LRP6: variants seen among roughly 807,000 people sequenced by gnomAD.
The protein encoded by LRP6 is low-density lipoprotein receptor-related protein 6.
In LRP6, 43 loss-of-function variants were observed where a neutral mutation model predicts 184.1. The observed-to-expected ratio is 0.23, with a 90% CI of 0.18 to 0.30. The LOEUF is 0.30. Ranked by LOEUF, LRP6 falls within the 10% of genes least tolerant of loss-of-function variation. The probability of loss-of-function intolerance (pLI) is 1.00; values close to 1 mark genes in which losing one functional copy is unlikely to be tolerated. For missense variants in LRP6, 1,571 were observed against 2,005.3 expected (o/e 0.78, Z 4.14); for synonymous variants, 719 against 684.9 (o/e 1.05, Z -0.78).
At chr12:12,222,446 AATCCCACCTACTCG>A in intron 2 of LRP6, among the ~76,000 whole-genome samples, 2 of 151,960 alleles carry the variant, frequency 1.3e-5, no homozygotes, top group African/African-American at 4.8e-5. Flanking sequence ...TGGTGCCTGT[AATCCCACCTACTCG>A]GTAGGCTGAG....
rs137912386 is a variant in LRP6, at chr12:12,265,421, CTCAA to C, written c.55+1256_55+1259del. On this transcript the variant is annotated intron_variant, in intron 1 of 22. Transcript: ENST00000261349. ...GTATTTCTCCTCCTCCAAAAAAAAA[CTCAA>C]TCATTCTCATCCGAAATACATATAC... is the stretch of plus-strand genomic sequence containing the variant. Among the ~76,000 whole-genome samples the C allele has an allele frequency of 1.6e-3, 245 of 152,196 alleles. 4 individuals are homozygous for C. In the East Asian group the frequency reaches 0.042, roughly 26 times the overall value.
intron 7 of LRP6, among the ~76,000 whole-genome samples, chr12:12,175,727 AAAATAAAT>A (rs1298008650): frequency 2.5e-5 from 3 of 119,820 alleles, no homozygotes. Context: ...AAAATAAAAT[AAAATAAAT>A]AAATAAATAG....
At chr12:12,231,206 A>C (rs1183724321) in intron 2 of LRP6, among the ~76,000 whole-genome samples, 1 of 150,700 alleles carries the variant, frequency 6.6e-6, no homozygotes, top group Admixed American at 6.6e-5. Flanking sequence ...AAAAAAAAAA[A>C]AAGCAGTACA....
chr12:12,231,176 A>G (rs1864775700), intron 2 of LRP6, among the ~76,000 whole-genome samples: 1 of 103,442 alleles, frequency 9.7e-6, no homozygotes, highest in Non-Finnish European at 1.9e-5. Flanking sequence ...GCAAGACTCC[A>G]TCTCAAAAAA....
At chr12:12,176,860 T>A (rs1863197387) in intron 7 of LRP6, among the ~76,000 whole-genome samples, 1 of 151,218 alleles carries the variant, frequency 6.6e-6, no homozygotes, top group Admixed American at 6.6e-5. Flanking sequence ...TTTTTTTTTT[T>A]TTTTTAGACA....
intron 2 of LRP6, among the ~76,000 whole-genome samples, chr12:12,218,721 A>G (rs1413977215): frequency 6.6e-6 from 1 of 151,784 alleles, no homozygotes. Context: ...CCCAGCTACA[A>G]AGAAGGCTGA....
intron 7 of LRP6, among the ~76,000 whole-genome samples, chr12:12,176,135 A>C (rs1863177273): frequency 6.6e-6 from 1 of 152,194 alleles, no homozygotes; most frequent in African/African-American, 2.4e-5. Context: ...AAAACATGAA[A>C]ATTATTCTTT....
rs986088792 is a variant in LRP6, at chr12:12,120,269, T to C, written c.*857A>G. On this transcript the variant is annotated 3_prime_UTR_variant, in exon 23 of 23. Transcript: ENST00000261349. Reference sequence around the variant, plus strand: ...TTGAAGAGCTAAGCCTACTGGGGAATGGAGCTAGAAGAAATATTAAAATCA... The same window carrying C: ...TTGAAGAGCTAAGCCTACTGGGGAACGGAGCTAGAAGAAATATTAAAATCA... 10 of 151,846 alleles carry C rather than the reference T, an allele frequency of 6.6e-5. No individual in the cohort carries two copies. Among genetic ancestry groups the C allele is most frequent in the African/African-American group, 2.2e-4 (9 of 41,338 alleles). The allele number at this position is 151,846 out of a possible 1,614,324, so 9.4% of individuals were successfully genotyped here.
rs746058977 is a variant in LRP6, at chr12:12,244,393, T to C, written c.318A>G (p.Gly106=). The C allele has an allele frequency of 6.2e-7, 1 of 1,614,236 alleles. No individual in the cohort carries two copies. The highest frequency in any genetic ancestry group is 1.1e-5 in the South Asian group (1 of 91,092). The change falls in exon 2 of 23, where the codon GGA becomes GGG. Residue 106 remains glycine (G), a synonymous_variant. Coordinates refer to ENST00000261349, the MANE Select transcript of LRP6 (RefSeq NM_002336.3). The stretch of plus-strand genomic sequence containing the variant: ...CAGAATCTGTCCAGTACAATTTTTC[T>C]CCAAGCCAATCACATGCCAGCCCAT... ...SPDGLACDWL[G]EKLYWTDSET... is the part of the protein sequence containing the mutation.
At chr12:12,135,540 C>A (rs1949826553) in intron 16 of LRP6, among the ~76,000 whole-genome samples, 1 of 150,118 alleles carries the variant, frequency 6.7e-6, no homozygotes, top group Admixed American at 6.7e-5. Flanking sequence ...GTAGCTCAGG[C>A]TGGAGTACAG....
intron 7 of LRP6, among the ~76,000 whole-genome samples, chr12:12,169,812 G>C (rs1405957361): frequency 1.3e-5 from 2 of 152,076 alleles, no homozygotes; most frequent in African/African-American, 4.8e-5. Context: ...ATCAATTCAT[G>C]TCTATTTCAA....
chr12:12,184,606 C>A (rs781335945), intron 4 of LRP6, among the ~76,000 whole-genome samples: 2 of 152,002 alleles, frequency 1.3e-5, no homozygotes, highest in Admixed American at 6.6e-5. Context: ...ACTTTGGGGG[C>A]TATAAACTGG....
intron 2 of LRP6, among the ~76,000 whole-genome samples, chr12:12,216,772 GC>G (rs1373114823): frequency 1.3e-5 from 2 of 151,742 alleles, no homozygotes; most frequent in African/African-American, 4.8e-5. Context: ...TACCCTTAAG[GC>G]CATTTTCCAG....
intron 19 of LRP6, among the ~76,000 whole-genome samples, chr12:12,128,633 T>A (rs1191122902): frequency 6.6e-6 from 1 of 152,172 alleles, no homozygotes; most frequent in Non-Finnish European, 1.5e-5. Flanking sequence ...AATAAAGTCA[T>A]CTAGTATAAG....
intron 1 of LRP6, among the ~76,000 whole-genome samples, chr12:12,260,066 T>C (rs2135944191): frequency 6.6e-6 from 1 of 152,304 alleles, no homozygotes; most frequent in African/African-American, 2.4e-5. Flanking sequence ...CCTAAAATAG[T>C]TATGGCTGCA....
Position 12,186,912 on chromosome 12 carries a change from G to T in LRP6, c.844+11C>A. ...TTCCAACTTGCAATTTAAAAATCAA[G>T]GATCACTTACCATTTGGCTGCCTCT... On this transcript the variant is annotated intron_variant, in intron 4 of 22. Coordinates refer to ENST00000261349, the MANE Select transcript of LRP6 (RefSeq NM_002336.3). 6.2e-7 allele frequency: 1 copy of T among 1,612,838 alleles called. No homozygotes were observed. The highest frequency in any genetic ancestry group is 1.1e-5 in the South Asian group (1 of 91,064).
At chr12:12,184,320 C>CAGG (rs1006651572) in intron 4 of LRP6, among the ~76,000 whole-genome samples, 2 of 152,060 alleles carry the variant, frequency 1.3e-5, no homozygotes, top group African/African-American at 4.8e-5. Flanking sequence ...AGAAGTAAAG[C>CAGG]AGGAGATCCC....
At chr12:12,255,388 G>A (rs1865435385) in intron 1 of LRP6, among the ~76,000 whole-genome samples, 1 of 149,304 alleles carries the variant, frequency 6.7e-6, no homozygotes, top group Admixed American at 6.8e-5. Context: ...TTCCCACAAA[G>A]TTCCTGATAG....
intron 8 of LRP6, 105 bp downstream of exon 8, chr12:12,164,974 A>C (rs1207991580): frequency 2.7e-6 from 2 of 745,178 alleles, no homozygotes; most frequent in South Asian, 1.5e-5. Context: ...GGCAGTAAAG[A>C]AGGTTTCAAA....
Sources: allele counts gnomAD v4.1 joint callset (sites outside exome capture counted in the v4.1 genomes callset), GRCh38; gene constraint gnomAD v4.1.1; transcripts MANE v1.5; gene names NCBI Gene and HGNC (gene_info 2026-07-23, HGNC 2026-07-21).